Variants in EIF5A observed in about 807,000 individuals in gnomAD.
EIF5A encodes eukaryotic translation initiation factor 5A-1.
In EIF5A, 1 loss-of-function variant was observed where a neutral mutation model predicts 16.6. The observed-to-expected ratio is 0.06, with a 90% confidence interval of 0.02 to 0.28. The LOEUF is 0.28. EIF5A is among the 10% of genes least tolerant of loss of function. The pLI, the probability that EIF5A is intolerant of heterozygous loss-of-function variation, is 1.00. For missense variants in EIF5A, 29 were observed against 196.1 expected (o/e 0.15, Z 5.09); for synonymous variants, 80 against 73.6 (o/e 1.09, Z -0.44).
intron 1 of EIF5A, among the ~76,000 whole-genome samples, chr17:7,309,357 C>T (rs1348184796): frequency 6.6e-6 from 1 of 152,162 alleles, no homozygotes; most frequent in Non-Finnish European, 1.5e-5. Flanking sequence ...ATTCCAGCTC[C>T]CTAGAGCCTT....
intron 1 of EIF5A, among the ~76,000 whole-genome samples, chr17:7,308,870 A>G (rs763095633): frequency 6.6e-6 from 1 of 151,818 alleles, no homozygotes; most frequent in Non-Finnish European, 1.5e-5. Flanking sequence ...CACCTCTCCC[A>G]CTTTCTACTG....
chr17:7,311,178 T>G, intron 3 of EIF5A, 56 bp downstream of exon 3: 1 of 1,596,596 alleles, frequency 6.3e-7, no homozygotes, highest in Non-Finnish European at 8.6e-7. Context: ...AGGGAGGGGT[T>G]GGGGGATAGG....
At chr17:7,310,860 C>CTT in intron 2 of EIF5A, 158 bp from the exon 3 acceptor site, 1 of 985,332 alleles carries the variant, frequency 1.0e-6, no homozygotes, top group Non-Finnish European at 1.2e-6. Flanking sequence ...CTTTAAGAGG[C>CTT]TTTACTGTTT....
chr17:7,308,271 G>A, intron 1 of EIF5A: 5 of 1,055,528 alleles, frequency 4.7e-6, no homozygotes, highest in Non-Finnish European at 5.8e-6. Context: ...CCTCGGGGTC[G>A]CAGGCCGCAT....
At chr17:7,311,168 A>T in intron 3 of EIF5A, 46 bp downstream of exon 3, 1 of 1,602,734 alleles carries the variant, frequency 6.2e-7, no homozygotes, top group Non-Finnish European at 8.5e-7. Flanking sequence ...TTTATGGTGG[A>T]GGGAGGGGTT....
intron 2 of EIF5A, 149 bp downstream of exon 2, chr17:7,309,949 TCAGA>T: frequency 6.4e-7 from 1 of 1,554,550 alleles, no homozygotes; most frequent in Non-Finnish European, 8.7e-7. Flanking sequence ...TCATACCCAT[TCAGA>T]CAACTACACC....
Position 7,308,282 on chromosome 17 carries a change from G to A in EIF5A, c.-22+530G>A, listed in dbSNP as rs2072693298. On this transcript the variant is annotated intron_variant, in intron 1 of 5. Transcript: ENST00000336458. ...CTGCCCTCGGGGTCGCAGGCCGCAT[G>A]GCCAAGCGTGGACCGGGGCCGCATG... The A allele has an allele frequency of 3.7e-6, 4 of 1,082,224 alleles. No homozygotes were observed. The South Asian group carries it at 7.8e-5, about 21-fold the overall frequency. 67.0% of individuals were successfully genotyped at this position (1,082,224 alleles called of 1,614,324 possible).
At chr17:7,307,152 C>A (rs757663683), upstream of EIF5A, 189 of 1,552,810 alleles carry the variant, frequency 1.2e-4, no homozygotes, top group South Asian at 2.9e-4. Flanking sequence ...CGAGGTGGGG[C>A]GTATCCTGAG....
chr17:7,308,209 C>G (rs898817503), intron 1 of EIF5A: 1 of 1,029,376 alleles, frequency 9.7e-7, no homozygotes, highest in Non-Finnish European at 1.2e-6. Context: ...CTGGCGCAGT[C>G]TCTGAGGAGG....
rs773789543 is a variant in EIF5A at position 7,308,494 on chromosome 17, C to G, written c.-22+742C>G. The G allele has an allele frequency of 1.0e-5, 14 of 1,350,846 alleles. No homozygotes were observed. In the East Asian group the frequency reaches 6.4e-4, roughly 62 times the overall value. 83.7% of individuals were successfully genotyped at this position (1,350,846 alleles called of 1,614,324 possible). ...ATCACCCCGGAGGGCCTGCTGCAGG[C>G]ATATGTTAGCGCTTCCCAACCTCAA... On this transcript the variant is annotated intron_variant, in intron 1 of 5. Coordinates refer to ENST00000336458, the MANE Select transcript of EIF5A (RefSeq NM_001970.5).
upstream of EIF5A, chr17:7,307,220 C>T: frequency 7.6e-7 from 1 of 1,320,866 alleles, no homozygotes; most frequent in South Asian, 1.5e-5. Context: ...CAACGCCTGG[C>T]GTACTGACGG....
chr17:7,308,600 G>A (rs1334226625), intron 1 of EIF5A: 1 of 1,349,656 alleles, frequency 7.4e-7, no homozygotes, highest in Non-Finnish European at 9.8e-7. Flanking sequence ...TTCGAGCTGG[G>A]AGGCCGGAGA....
At chr17:7,307,293 T>C (rs898905392), upstream of EIF5A, 2 of 1,190,224 alleles carry the variant, frequency 1.7e-6, no homozygotes, top group Non-Finnish European at 2.2e-6. Flanking sequence ...ACCCAGGCGT[T>C]TCCTTTAGAG....
chr17:7,311,199 G>A, intron 3 of EIF5A, 77 bp downstream of exon 3: 1 of 1,582,600 alleles, frequency 6.3e-7, no homozygotes, highest in Non-Finnish European at 8.6e-7. Context: ...GACTGACCAG[G>A]AGAGCTTGTG....
upstream of EIF5A, chr17:7,307,201 T>C (rs528733157): frequency 8.4e-6 from 12 of 1,432,346 alleles, no homozygotes; most frequent in African/African-American, 1.4e-4. Flanking sequence ...TCTAGCGGCG[T>C]GGTCTTTTCA....
chr17:7,307,879 G>A (rs1175405247), intron 1 of EIF5A, 127 bp downstream of exon 1: 2 of 983,526 alleles, frequency 2.0e-6, no homozygotes, highest in African/African-American at 1.8e-5. Flanking sequence ...CGGCCAGAGA[G>A]CGGCGCGAGG....
intron 1 of EIF5A, among the ~76,000 whole-genome samples, chr17:7,308,909 C>G (rs1291023932): frequency 6.6e-6 from 1 of 152,224 alleles, no homozygotes; most frequent in African/African-American, 2.4e-5. Flanking sequence ...GAAAAGCCGA[C>G]AGGACAGATG....
In EIF5A at chr17:7,310,408, G is replaced by C; in HGVS notation, c.165+608G>C. 4 of 1,183,056 alleles carry C rather than the reference G, an allele frequency of 3.4e-6. No homozygotes were observed. The South Asian group carries it at 4.8e-5, about 14-fold the overall frequency. The allele number at this position is 1,183,056 out of a possible 1,614,324, so 73.3% of individuals were successfully genotyped here. A position where few individuals can be genotyped will look rare whatever the true frequency, so the allele number is the denominator to read the frequency against. On this transcript the variant is annotated intron_variant, in intron 2 of 5. Coordinates refer to ENST00000336458, the MANE Select transcript of EIF5A (RefSeq NM_001970.5). ...TCCCTCATCACCTCAGACTTTTCCT[G>C]TCTCTTTAGAATTTCAACCTGATTC...
chr17:7,307,361 C>T (rs1482272698), upstream of EIF5A: 7 of 1,230,962 alleles, frequency 5.7e-6, no homozygotes, highest in Non-Finnish European at 7.2e-6. Flanking sequence ...GTAGGACGAG[C>T]GGTCTATCAA....
Sources: gnomAD v4.1 joint callset for allele counts (sites outside exome capture counted in the v4.1 genomes callset) on GRCh38, gnomAD v4.1.1 for gene constraint, MANE v1.5 for transcripts, NCBI Gene and HGNC (gene_info 2026-07-23, HGNC 2026-07-21) for gene names.